Variants in RFX6 observed in about 807,000 individuals in gnomAD.
The protein encoded by RFX6 is regulatory factor X6.
In RFX6, 50 loss-of-function variants were observed where a neutral mutation model predicts 110.8. The ratio of observed to expected loss-of-function variants is 0.45; its 90% confidence interval spans 0.36 to 0.57. The LOEUF is 0.57. RFX6 is among the 20% of genes least tolerant of loss of function. The pLI, the probability that RFX6 is intolerant of heterozygous loss-of-function variation, is 0.00. For missense variants in RFX6, 990 were observed against 1,127.0 expected, an observed-to-expected ratio of 0.88 and a Z score of 1.74; for synonymous variants, 383 against 411.2, an observed-to-expected ratio of 0.93 and a Z score of 0.83.
chr6:116,920,751 A>C (rs1156526099), intron 12 of RFX6, among the ~76,000 whole-genome samples: 1 of 152,186 alleles, frequency 6.6e-6, no homozygotes, highest in Non-Finnish European at 1.5e-5. Flanking sequence ...AAATAGTTAT[A>C]ATTACTCACC....
chr6:116,908,759 T>G (rs191188619), intron 6 of RFX6, among the ~76,000 whole-genome samples: 41 of 151,914 alleles, frequency 2.7e-4, no homozygotes, highest in Non-Finnish European at 4.0e-4. Context: ...GTAGTGGATT[T>G]TAAACAAACT....
intron 6 of RFX6, among the ~76,000 whole-genome samples, chr6:116,903,059 C>A (rs1775109543): frequency 6.6e-6 from 1 of 152,024 alleles, no homozygotes; most frequent in African/African-American, 2.4e-5. Flanking sequence ...CTGTAGCTGG[C>A]CTATGATCTG....
chr6:116,909,735 C>CT (rs59264999), intron 6 of RFX6, among the ~76,000 whole-genome samples: 8,282 of 67,520 alleles, frequency 0.12, 2,499 homozygotes, highest in African/African-American at 0.18. Context: ...TCATTTAAAT[C>CT]TTTTTTTTTT....
Position 116,911,054 on chromosome 6 carries a change from A to G in RFX6, c.780+12A>G. 4 of 1,511,072 alleles carry G rather than the reference A, an allele frequency of 2.6e-6. No homozygotes were observed. Among genetic ancestry groups the G allele is most frequent in the Non-Finnish European group, 1.8e-6 (2 of 1,086,150 alleles). 93.6% of individuals were successfully genotyped at this position (1,511,072 alleles called of 1,614,324 possible). A position where few individuals can be genotyped will look rare whatever the true frequency, so the allele number is the denominator to read the frequency against. The stretch of plus-strand genomic sequence containing the variant: ...TTTCTAAGGACAAGGTATCAATTAC[A>G]GATACTTCTCTATTGATTTTCTGAT... On this transcript the variant is annotated intron_variant, in intron 7 of 18. Coordinates refer to ENST00000332958, the MANE Select transcript of RFX6 (RefSeq NM_173560.4).
chr6:116,921,945 G>A lies in RFX6; in HGVS notation c.1328-97G>A, dbSNP rs1582534811. On this transcript the variant is annotated intron_variant, in intron 12 of 18. Transcript: ENST00000332958. ...TGTCTTTCCCTTTCATGCTATCAAA[G>A]TATTGATGATTCCAAGTTTTAGGTT... 5.8e-6 allele frequency: 4 copies of A among 686,030 alleles called. No homozygotes were observed. In the South Asian group the frequency reaches 6.5e-5, roughly 11 times the overall value. 42.5% of individuals were successfully genotyped at this position (686,030 alleles called of 1,614,324 possible).
At chr6:116,895,600 A>G (rs187764505) in intron 6 of RFX6, among the ~76,000 whole-genome samples, 1 of 152,104 alleles carries the variant, frequency 6.6e-6, no homozygotes, top group African/African-American at 2.4e-5. Flanking sequence ...GTTATCAAGG[A>G]GCCCAAATGC....
At position 116,920,425 on chromosome 6, in the gene RFX6, C is replaced by G; in HGVS notation, c.1298C>G (p.Thr433Arg). 2 of 1,613,284 alleles carry G rather than the reference C, an allele frequency of 1.2e-6. No homozygotes were observed. Among genetic ancestry groups the G allele is most frequent in the Non-Finnish European group, 1.7e-6 (2 of 1,179,352 alleles). The change falls in exon 12 of 19, where the codon ACA becomes AGA. Residue 433 changes from threonine to arginine, a missense_variant. By Grantham distance (71) the Thr-to-Arg change is moderately conservative. Coordinates refer to ENST00000332958, the MANE Select transcript of RFX6 (RefSeq NM_173560.4). Reference protein sequence around the residue: ...SQALLTISGSTDTESGIYTEH... With the variant: ...SQALLTISGSRDTESGIYTEH... The stretch of plus-strand genomic sequence containing the variant: ...GCCCTTCTTACCATTTCAGGCAGCA[C>G]AGACACTGAATCTGGTATCTACACT...
chr6:116,890,494 G>A (rs1202786727), intron 4 of RFX6, among the ~76,000 whole-genome samples: 1 of 152,012 alleles, frequency 6.6e-6, no homozygotes, highest in African/African-American at 2.4e-5. Context: ...CTCAGCACAT[G>A]GCACACAGTG....
chr6:116,882,408 T>G lies in RFX6; in HGVS notation c.546T>G (p.Leu182=). Residue 182 remains leucine (L), a synonymous_variant, in exon 4 of 19, where the codon CTT becomes CTG. Transcript: ENST00000332958. ...TTCCCCTCCTAACAACAAGGCGGCT[T>G]GGAACAAGAGGCCATTCAAAGTAAG... ...QKFPLLTTRR[L]GTRGHSKYHY... is the part of the protein sequence containing the mutation. 6.2e-7 allele frequency: 1 copy of G among 1,612,730 alleles called. No homozygotes were observed. The highest frequency in any genetic ancestry group is 8.5e-7 in the Non-Finnish European group (1 of 1,178,896).
chr6:116,878,428 A>G (rs1378477331), intron 2 of RFX6, among the ~76,000 whole-genome samples: 1 of 152,168 alleles, frequency 6.6e-6, no homozygotes, highest in African/African-American at 2.4e-5. Flanking sequence ...GGTAGAAGAC[A>G]TAGAAAAAAT....
At chr6:116,882,507 G>C (rs1562131953) in intron 4 of RFX6, 79 bp downstream of exon 4, 1 of 1,039,704 alleles carries the variant, frequency 9.6e-7, no homozygotes, top group Non-Finnish European at 1.5e-6. Flanking sequence ...TATTGTCTTT[G>C]TCAGTACAAA....
intron 14 of RFX6, 36 bp downstream of exon 14, chr6:116,923,260 A>G (rs1775641586): frequency 1.0e-6 from 1 of 957,596 alleles, no homozygotes. Flanking sequence ...TTCTTACATG[A>G]ATTATATAAT....
rs1775693514 is a variant in RFX6, at chr6:116,925,486, G to A, written c.1712G>A (p.Ser571Asn). 1 of 1,614,034 alleles carries A rather than the reference G, an allele frequency of 6.2e-7. No homozygotes were observed. Residue 571 changes from serine (S) to asparagine (N), a missense_variant, in exon 16 of 19, where the codon AGT becomes AAT. Transcript: ENST00000332958. ...ASKAAFTASP[S>N]SCFLANRNKG... is the part of the protein sequence containing the mutation. ...AAAGCTGCTTTCACTGCTTCTCCGAGTTCATGCTTTCTGGCCAACCGTAAT... is the reference window on the plus strand; with the variant it reads ...AAAGCTGCTTTCACTGCTTCTCCGAATTCATGCTTTCTGGCCAACCGTAAT...
chr6:116,922,065 G>A lies in RFX6; in HGVS notation c.1351G>A (p.Glu451Lys). The A allele has an allele frequency of 6.9e-7, 1 of 1,459,854 alleles. No homozygotes were observed. Among genetic ancestry groups the A allele is most frequent in the Non-Finnish European group, 9.6e-7 (1 of 1,043,836 alleles). The allele number at this position is 1,459,854 out of a possible 1,614,324, so 90.4% of individuals were successfully genotyped here. The change falls in exon 13 of 19, where the codon GAA becomes AAA. Residue 451 changes from glutamate to lysine, a missense_variant. Physicochemically the swap from Glu to Lys is moderately conservative, Grantham distance 56. Coordinates refer to ENST00000332958, the MANE Select transcript of RFX6 (RefSeq NM_173560.4). ...AGATGACTCTATCACTGTGTTCCAA[G>A]AACTGAAGGATCTCCTTAAGAAGAA... ...TEHDSITVFQELKDLLKKNAT... is the reference protein window; with the variant it reads ...TEHDSITVFQKLKDLLKKNAT...
chr6:116,902,373 C>CA (rs1562139299), intron 6 of RFX6, among the ~76,000 whole-genome samples: 2 of 151,532 alleles, frequency 1.3e-5, no homozygotes, highest in African/African-American at 4.8e-5. Flanking sequence ...ACAACAACAA[C>CA]AAAAAACAAC....
In RFX6 at chr6:116,927,178, C is replaced by G; in HGVS notation, c.2037C>G (p.Ser679=). Residue 679 remains serine (S), a synonymous_variant, in exon 17 of 19, where the codon TCC becomes TCG. Coordinates refer to ENST00000332958, the MANE Select transcript of RFX6 (RefSeq NM_173560.4). Reference sequence around the variant, plus strand: ...TACTGTCAGCTCCATCACACTGCTCCACATACCCAGAGCCCATTTATCCCA... The same window carrying G: ...TACTGTCAGCTCCATCACACTGCTCGACATACCCAGAGCCCATTTATCCCA... The part of the protein sequence containing the change: ...GPVLSAPSHC[S]TYPEPIYPTL... 1 of 1,614,160 alleles carries G rather than the reference C, an allele frequency of 6.2e-7. No homozygotes were observed. The highest frequency in any genetic ancestry group is 1.1e-5 in the South Asian group (1 of 91,074).
At chr6:116,903,851 G>A (rs1183865138) in intron 6 of RFX6, among the ~76,000 whole-genome samples, 2 of 151,926 alleles carry the variant, frequency 1.3e-5, no homozygotes, top group Non-Finnish European at 2.9e-5. Flanking sequence ...TTCCATTGTG[G>A]ATGGGAATTT....
intron 15 of RFX6, among the ~76,000 whole-genome samples, chr6:116,925,145 A>C (rs544572441): frequency 6.6e-6 from 1 of 152,290 alleles, no homozygotes; most frequent in South Asian, 2.1e-4. Flanking sequence ...GTTCTATAGG[A>C]GTTTAGAGAA....
At chr6:116,906,868 T>G (rs1018393821) in intron 6 of RFX6, among the ~76,000 whole-genome samples, 6 of 151,364 alleles carry the variant, frequency 4.0e-5, no homozygotes, top group African/African-American at 9.7e-5. Context: ...TTGTTTTTTT[T>G]TTTTTGCCTA....
Sources: allele counts gnomAD v4.1 joint callset (sites outside exome capture counted in the v4.1 genomes callset), GRCh38; gene constraint gnomAD v4.1.1; transcripts MANE v1.5; gene names NCBI Gene and HGNC (gene_info 2026-07-23, HGNC 2026-07-21).